The following LRP1B variants were observed in gnomAD, a reference collection of about 807,000 sequenced individuals.
LRP1B encodes the protein low-density lipoprotein receptor-related protein 1B.
A neutral mutation model predicts 556.6 loss-of-function variants in LRP1B; 217 were observed. That is an observed-to-expected ratio of 0.39 (90% CI 0.35 to 0.44). LRP1B has a LOEUF of 0.44. Ranked by LOEUF, LRP1B falls within the 20% of genes least tolerant of loss-of-function variation. The probability of loss-of-function intolerance (pLI) is 1.00; values close to 1 mark genes in which losing one functional copy is unlikely to be tolerated. For missense variants in LRP1B, 5,053 were observed against 5,620.8 expected (o/e 0.90, Z 3.23); for synonymous variants, 2,047 against 1,865.8 (o/e 1.10, Z -2.50).
At chr2:141,834,597 A>G (rs1296275451) in intron 1 of LRP1B, among the ~76,000 whole-genome samples, 1 of 151,896 alleles carries the variant, frequency 6.6e-6, no homozygotes, top group African/African-American at 2.4e-5. Flanking sequence ...ATTGAAGGCA[A>G]TGATATGAGA....
At chr2:140,322,419 T>C (rs938382601) in intron 81 of LRP1B, among the ~76,000 whole-genome samples, 1 of 152,090 alleles carries the variant, frequency 6.6e-6, no homozygotes, top group Non-Finnish European at 1.5e-5. Flanking sequence ...ATTGGGACTG[T>C]GTTGGAAACT....
chr2:141,111,410 T>C (rs1700746593), intron 7 of LRP1B, among the ~76,000 whole-genome samples: 1 of 152,202 alleles, frequency 6.6e-6, no homozygotes, highest in African/African-American at 2.4e-5. Context: ...TATATTTATT[T>C]TAAAATTTTT....
intron 83 of LRP1B, among the ~76,000 whole-genome samples, chr2:140,300,828 G>C (rs879261842): frequency 2.0e-5 from 3 of 152,000 alleles, no homozygotes; most frequent in Non-Finnish European, 4.4e-5. Context: ...CACATGTGAA[G>C]CATTTCTAGC....
chr2:140,521,946 C>CTTG (rs1415774965), intron 49 of LRP1B, among the ~76,000 whole-genome samples: 1 of 151,910 alleles, frequency 6.6e-6, no homozygotes, highest in Non-Finnish European at 1.5e-5. Context: ...ATTCATAAAA[C>CTTG]TAGTACTTCT....
chr2:140,246,604 A>C (rs1387625792), intron 87 of LRP1B, among the ~76,000 whole-genome samples: 1 of 151,352 alleles, frequency 6.6e-6, no homozygotes, highest in Non-Finnish European at 1.5e-5. Context: ...AGAAGCAATA[A>C]ATCAACTTAT....
intron 18 of LRP1B, among the ~76,000 whole-genome samples, chr2:140,966,518 A>G (rs909792096): frequency 2.6e-5 from 4 of 152,124 alleles, no homozygotes; most frequent in African/African-American, 9.7e-5. Flanking sequence ...CTCTGATGGA[A>G]GTTTCTTTTG....
At chr2:141,557,381 T>C (rs914236239) in intron 2 of LRP1B, among the ~76,000 whole-genome samples, 3 of 151,908 alleles carry the variant, frequency 2.0e-5, no homozygotes, top group African/African-American at 7.2e-5. Context: ...TGGATTACCA[T>C]AGTAACATAC....
At chr2:141,508,254 A>G (rs1291220163) in intron 2 of LRP1B, among the ~76,000 whole-genome samples, 1 of 152,124 alleles carries the variant, frequency 6.6e-6, no homozygotes, top group East Asian at 1.9e-4. Context: ...GGTTCTCTTT[A>G]AATGCTGGCT....
chr2:141,233,796 CTAAG>C (rs1348456979), intron 5 of LRP1B, among the ~76,000 whole-genome samples: 4 of 151,926 alleles, frequency 2.6e-5, no homozygotes, highest in African/African-American at 9.7e-5. Flanking sequence ...TAGTTTCCTT[CTAAG>C]TGATTGAAGT....
intron 3 of LRP1B, among the ~76,000 whole-genome samples, chr2:141,328,613 G>A (rs1687517992): frequency 6.6e-6 from 1 of 152,158 alleles, no homozygotes; most frequent in Non-Finnish European, 1.5e-5. Flanking sequence ...CTACTTCAAG[G>A]TATTCTGCTC....
chr2:140,799,807 G>A (rs192382374), intron 32 of LRP1B, among the ~76,000 whole-genome samples: 2 of 152,232 alleles, frequency 1.3e-5, no homozygotes, highest in African/African-American at 2.4e-5. Flanking sequence ...GGAACAGCTC[G>A]AGTCTACAGC....
intron 3 of LRP1B, among the ~76,000 whole-genome samples, chr2:141,414,131 G>C (rs1201141210): frequency 6.6e-6 from 1 of 151,568 alleles, no homozygotes; most frequent in African/African-American, 2.4e-5. Context: ...CAGCTACTCG[G>C]GAGACTGAGG....
chr2:142,049,937 T>C (rs72847089), intron 1 of LRP1B, among the ~76,000 whole-genome samples: 10,788 of 152,190 alleles, frequency 0.071, 504 homozygotes, highest in Non-Finnish European at 0.094. Flanking sequence ...TAAGCACTTC[T>C]ATCGCATGGC....
chr2:141,666,473 C>T (rs1018271948), intron 2 of LRP1B, among the ~76,000 whole-genome samples: 2 of 152,316 alleles, frequency 1.3e-5, no homozygotes, highest in Admixed American at 1.3e-4. Flanking sequence ...CCCTCCTCAG[C>T]TTCCTAGGTA....
chr2:141,894,910 T>C (rs1249068699), intron 1 of LRP1B, among the ~76,000 whole-genome samples: 1 of 151,072 alleles, frequency 6.6e-6, no homozygotes, highest in African/African-American at 2.4e-5. Flanking sequence ...TAGCTGGGCA[T>C]GGTGGTGCAT....
chr2:141,124,664 G>GAAAAAAAAA (rs570765407), intron 7 of LRP1B, among the ~76,000 whole-genome samples: 35 of 73,314 alleles, frequency 4.8e-4, no homozygotes, highest in African/African-American at 8.1e-4. Flanking sequence ...AGTGACAAAT[G>GAAAAAAAAA]AAAAAAAAAA....
At chr2:141,441,268 G>T (rs1680956162) in intron 3 of LRP1B, among the ~76,000 whole-genome samples, 1 of 151,916 alleles carries the variant, frequency 6.6e-6, no homozygotes, top group East Asian at 1.9e-4. Context: ...AGTGGAGAGG[G>T]GTTTTCACCA....
chr2:140,767,777 A>T (rs1689168997), intron 35 of LRP1B, among the ~76,000 whole-genome samples: 1 of 151,934 alleles, frequency 6.6e-6, no homozygotes, highest in African/African-American at 2.4e-5. Context: ...TATTTTCAAA[A>T]ATCATTATGG....
intron 1 of LRP1B, among the ~76,000 whole-genome samples, chr2:141,828,796 A>G (rs1367224961): frequency 6.6e-6 from 1 of 152,118 alleles, no homozygotes; most frequent in Non-Finnish European, 1.5e-5. Flanking sequence ...TGTTATGGGA[A>G]GTTAACTGGT....
Sources: gnomAD v4.1 joint callset for allele counts (sites outside exome capture counted in the v4.1 genomes callset) on GRCh38, gnomAD v4.1.1 for gene constraint, MANE v1.5 for transcripts, NCBI Gene and HGNC (gene_info 2026-07-23, HGNC 2026-07-21) for gene names.